The following IGF2R variants were observed in gnomAD, a reference collection of about 807,000 sequenced individuals.
The protein encoded by IGF2R is cation-independent mannose-6-phosphate receptor.
In IGF2R, 91 loss-of-function variants were observed where a neutral mutation model predicts 270.6. The ratio of observed to expected loss-of-function variants is 0.34; its 90% confidence interval spans 0.28 to 0.40. IGF2R has a LOEUF of 0.40. Ranked by LOEUF, IGF2R falls within the 10% of genes least tolerant of loss-of-function variation. IGF2R has a pLI of 1.00. For missense variants in IGF2R, 2,805 were observed against 3,188.3 expected, an observed-to-expected ratio of 0.88 and a Z score of 2.90; for synonymous variants, 1,316 against 1,258.9, an observed-to-expected ratio of 1.05 and a Z score of -0.96.
intron 5 of IGF2R, among the ~76,000 whole-genome samples, chr6:160,025,204 G>A (rs536254498): frequency 5.3e-5 from 8 of 152,282 alleles, no homozygotes; most frequent in Admixed American, 3.9e-4. Flanking sequence ...ACTAAAGACC[G>A]TAAATAAATG....
chr6:159,993,281 T>C (rs2115185221), intron 2 of IGF2R, among the ~76,000 whole-genome samples: 1 of 152,332 alleles, frequency 6.6e-6, no homozygotes, highest in African/African-American at 2.4e-5. Flanking sequence ...CATTTGCTTT[T>C]GAGGTTTTAG....
At chr6:160,022,869 C>G (rs1777469814) in intron 4 of IGF2R, among the ~76,000 whole-genome samples, 1 of 151,848 alleles carries the variant, frequency 6.6e-6, no homozygotes, top group African/African-American at 2.4e-5. Context: ...AGGGAAAGAG[C>G]CATGTGTATA....
At chr6:160,032,472 CT>C (rs1777718267) in intron 7 of IGF2R, 78 bp from the exon 8 acceptor site, 2 of 1,341,808 alleles carry the variant, frequency 1.5e-6, no homozygotes, top group African/African-American at 2.9e-5. Flanking sequence ...TGTCTTTGAG[CT>C]TTTCATAAGT....
intron 2 of IGF2R, among the ~76,000 whole-genome samples, chr6:159,996,757 A>C (rs1285880487): frequency 1.3e-5 from 2 of 152,200 alleles, no homozygotes; most frequent in African/African-American, 2.4e-5. Flanking sequence ...TGTCTTCTGT[A>C]GTGAGCCTCC....
At chr6:160,010,563 C>T in intron 3 of IGF2R, 124 bp from the exon 4 acceptor site, 1 of 623,802 alleles carries the variant, frequency 1.6e-6, no homozygotes, top group Non-Finnish European at 2.8e-6. Context: ...AAAGCGGTTG[C>T]ATCCCCTGCC....
At chr6:160,104,179 A>G (rs560754300) in intron 47 of IGF2R, among the ~76,000 whole-genome samples, 1 of 152,274 alleles carries the variant, frequency 6.6e-6, no homozygotes, top group East Asian at 1.9e-4. Flanking sequence ...AAGAGGCATT[A>G]TCTGGATCAA....
At chr6:160,099,526 C>T (rs1011170428) in intron 45 of IGF2R, among the ~76,000 whole-genome samples, 6 of 152,092 alleles carry the variant, frequency 3.9e-5, no homozygotes, top group African/African-American at 1.2e-4. Context: ...GCTACCATGC[C>T]CGGCTAATTT....
intron 44 of IGF2R, 79 bp downstream of exon 44, chr6:160,090,182 C>T (rs1239552721): frequency 2.0e-6 from 2 of 1,019,532 alleles, no homozygotes; most frequent in Non-Finnish European, 2.7e-6. Context: ...TAACTCCCTT[C>T]AGTTGAAATC....
intron 1 of IGF2R, among the ~76,000 whole-genome samples, chr6:159,980,333 T>C (rs951389779): frequency 6.6e-6 from 1 of 152,112 alleles, no homozygotes; most frequent in African/African-American, 2.4e-5. Context: ...CTTTTCCTCT[T>C]CAGGTTGCCT....
At position 160,001,585 on chromosome 6, in the gene IGF2R, G is replaced by A. The variant is rs115342704; in HGVS notation, c.290-7425G>A. ...CCAGTCTCTGGTGCCAACAAGGTTGGGGGCTGCTGCCCTAAAATTTTTTAT... is the reference window on the plus strand; with the variant it reads ...CCAGTCTCTGGTGCCAACAAGGTTGAGGGCTGCTGCCCTAAAATTTTTTAT... On this transcript the variant is annotated intron_variant, in intron 2 of 47. Transcript: ENST00000356956. Among the ~76,000 whole-genome samples the A allele has an allele frequency of 7.5e-3, 1,141 of 152,224 alleles. 20 individuals are homozygous for A. Among genetic ancestry groups the A allele is most frequent in the African/African-American group, 0.026 (1,083 of 41,520 alleles).
intron 32 of IGF2R, 100 bp downstream of exon 32, chr6:160,072,136 C>T: frequency 6.8e-7 from 1 of 1,474,610 alleles, no homozygotes; most frequent in Non-Finnish European, 9.3e-7. Flanking sequence ...AAGCTATGGG[C>T]AGCAGGCGCC....
chr6:159,991,105 G>T, intron 1 of IGF2R, 79 bp from the exon 2 acceptor site: 1 of 1,361,670 alleles, frequency 7.3e-7, no homozygotes, highest in South Asian at 1.4e-5. Flanking sequence ...TTAAGCAAAT[G>T]TGGCTTGAAT....
intron 10 of IGF2R, among the ~76,000 whole-genome samples, chr6:160,036,343 C>T (rs547382479): frequency 6.6e-6 from 1 of 152,254 alleles, no homozygotes; most frequent in African/African-American, 2.4e-5. Context: ...AATCACGTCT[C>T]TCCTACTTGG....
At chr6:160,014,787 G>A (rs1777247613) in intron 4 of IGF2R, among the ~76,000 whole-genome samples, 1 of 152,208 alleles carries the variant, frequency 6.6e-6, no homozygotes, top group Non-Finnish European at 1.5e-5. Context: ...ATGGGCACTT[G>A]TGGCTTTTTA....
At chr6:160,072,994 G>A in intron 33 of IGF2R, 110 bp downstream of exon 33, 1 of 1,475,134 alleles carries the variant, frequency 6.8e-7, no homozygotes, top group South Asian at 1.3e-5. Flanking sequence ...AGGAAGCTGA[G>A]ACGCTTTTGT....
chr6:160,024,893 C>T (rs984221145), intron 5 of IGF2R, among the ~76,000 whole-genome samples, 189 bp downstream of exon 5: 4 of 152,116 alleles, frequency 2.6e-5, no homozygotes, highest in East Asian at 1.9e-4. Context: ...GATTCCATGC[C>T]TCCTCCCCAA....
At position 160,064,400 on chromosome 6, in the gene IGF2R, G is replaced by A; in HGVS notation, c.3887-1G>A. ...TTGTTTAATGTTCTCCTTCTTTACA[G>A]GTCTCCTGACTCAGAAGCTAACTTA... On this transcript the variant is annotated splice_acceptor_variant, in intron 27 of 47. Transcript: ENST00000356956. LOFTEE classifies it high-confidence loss of function. 6.2e-7 allele frequency: 1 copy of A among 1,614,164 alleles called. No homozygotes were observed. Among genetic ancestry groups the A allele is most frequent in the Non-Finnish European group, 8.5e-7 (1 of 1,180,028 alleles).
At chr6:160,035,059 A>G (rs1318307414) in intron 10 of IGF2R, among the ~76,000 whole-genome samples, 2 of 152,210 alleles carry the variant, frequency 1.3e-5, no homozygotes, top group Non-Finnish European at 2.9e-5. Flanking sequence ...CTGGCATATC[A>G]AAAAGCGGTG....
rs531339783 is a variant in IGF2R at position 160,013,507 on chromosome 6, T to A, written c.513+2722T>A. 3.8e-3 allele frequency among the ~76,000 whole-genome samples: 577 copies of A among 151,658 alleles called. 4 individuals are homozygous for A. The highest frequency in any genetic ancestry group is 4.2e-3 in the Non-Finnish European group (285 of 67,958). ...ATAGTCTGTGTTTTTCTCAAAACAA[T>A]GACATTTAATTTCTCTTAGAAGCAG... On this transcript the variant is annotated intron_variant, in intron 4 of 47. Coordinates refer to ENST00000356956, the MANE Select transcript of IGF2R (RefSeq NM_000876.4).
Sources: gnomAD v4.1 joint callset for allele counts (sites outside exome capture counted in the v4.1 genomes callset) on GRCh38, gnomAD v4.1.1 for gene constraint, MANE v1.5 for transcripts, NCBI Gene and HGNC (gene_info 2026-07-23, HGNC 2026-07-21) for gene names.